ETV3L: variants seen among roughly 807,000 people sequenced by gnomAD.
ETV3L encodes the protein ETS translocation variant 3-like protein.
In ETV3L, 30 loss-of-function variants were observed where a neutral mutation model predicts 27.6. The ratio of observed to expected loss-of-function variants is 1.09; its 90% CI spans 0.81 to 1.48. The LOEUF (loss-of-function observed/expected upper bound fraction) is 1.48. ETV3L is among the 40% of genes most tolerant of loss of function. ETV3L has a pLI of 0.00. For missense variants in ETV3L, 443 were observed against 455.6 expected (o/e 0.97, Z 0.25); for synonymous variants, 186 against 188.9 (o/e 0.98, Z 0.12).
intron 4 of ETV3L, among the ~76,000 whole-genome samples, chr1:157,096,844 A>G (rs140922493): frequency 0.015 from 2,295 of 152,286 alleles, 53 homozygotes; most frequent in African/African-American, 0.053. Context: ...GCTTGAACCC[A>G]GGAGACGGAG....
Position 157,099,524 on chromosome 1 carries a change from G to T in ETV3L, c.-1C>A, listed in dbSNP as rs1160338563. 1 of 1,608,406 alleles carries T rather than the reference G, an allele frequency of 6.2e-7. No individual in the cohort carries two copies. Among genetic ancestry groups the T allele is most frequent in the Admixed American group, 1.7e-5 (1 of 59,256 alleles). On this transcript the variant is annotated 5_prime_UTR_variant, in exon 1 of 5. Transcript: ENST00000454449. ...CCTCAGCCAAGCAGCTGCAGTGCATGGTCCACTCCGGCGAGATGGGCTGTG... is the reference window on the plus strand; with the variant it reads ...CCTCAGCCAAGCAGCTGCAGTGCATTGTCCACTCCGGCGAGATGGGCTGTG...
intron 3 of ETV3L, among the ~76,000 whole-genome samples, 186 bp downstream of exon 3, chr1:157,098,520 A>G (rs1382368721): frequency 6.6e-6 from 1 of 152,122 alleles, no homozygotes; most frequent in East Asian, 1.9e-4. Flanking sequence ...CCTTTCTCAC[A>G]GGTGGGTCCT....
At chr1:157,093,999 G>T (rs1174413764) in intron 4 of ETV3L, among the ~76,000 whole-genome samples, 1 of 152,148 alleles carries the variant, frequency 6.6e-6, no homozygotes, top group East Asian at 1.9e-4. Context: ...GGGGGCAGGG[G>T]CTGTAGTTGT....
At chr1:157,094,226 T>TA (rs1443295915) in intron 4 of ETV3L, among the ~76,000 whole-genome samples, 4 of 152,214 alleles carry the variant, frequency 2.6e-5, no homozygotes, top group Non-Finnish European at 5.9e-5. Context: ...TCTTCATCCA[T>TA]AAAATCCCCT....
At position 157,098,770 on chromosome 1, in the gene ETV3L, T is replaced by G. The variant is rs896523703; in HGVS notation, c.422A>C (p.His141Pro). ...LWEVRAPPSP[H>P]LLLGAPALCR... ...CAGGGCAGGGGCCCCCAGCAGCAAG[T>G]GGGGGGATGGCGGCGCCCGCACTTC... is the stretch of plus-strand genomic sequence containing the variant. Residue 141 changes from histidine (H) to proline (P), a missense_variant, in exon 3 of 5, where the codon CAC becomes CCC. Transcript: ENST00000454449. 1.2e-6 allele frequency: 2 copies of G among 1,613,442 alleles called. No individual in the cohort carries two copies. The highest frequency in any genetic ancestry group is 1.7e-6 in the Non-Finnish European group (2 of 1,179,794).
chr1:157,097,783 G>C, intron 4 of ETV3L, 85 bp downstream of exon 4: 1 of 1,518,394 alleles, frequency 6.6e-7, no homozygotes, highest in Non-Finnish European at 9.0e-7. Context: ...CTTGTCTCAT[G>C]CCCCCTCAGC....
At chr1:157,099,413 C>T (rs770208936) in intron 1 of ETV3L, 35 bp from the exon 2 acceptor site, 3 of 1,613,880 alleles carry the variant, frequency 1.9e-6, no homozygotes, top group South Asian at 1.1e-5. Context: ...GCTCTGGAGG[C>T]CCTGCCCTAG....
chr1:157,092,955 C>G lies in ETV3L; in HGVS notation c.780G>C (p.Gln260His). The change falls in exon 5 of 5, where the codon CAG (glutamine) becomes CAC (histidine). Residue 260 changes from glutamine (Q) to histidine (H), a missense_variant. Physicochemically the swap from Gln to His is conservative, Grantham distance 24 (BLOSUM62 0). Transcript: ENST00000454449. ...TGTCTGGCTTAAAAGCCCCTGGGAGCTGCTGCTCTGACGGGAGAGGAGGCA... is the reference window on the plus strand; with the variant it reads ...TGTCTGGCTTAAAAGCCCCTGGGAGGTGCTGCTCTGACGGGAGAGGAGGCA... ...PFLPPLPSEQ[Q>H]LPGAFKPDIL... 6.2e-7 allele frequency: 1 copy of G among 1,614,058 alleles called. No homozygotes were observed. Among genetic ancestry groups the G allele is most frequent in the Non-Finnish European group, 8.5e-7 (1 of 1,179,946 alleles).
At chr1:157,098,009 G>A in intron 3 of ETV3L, 21 bp from the exon 4 acceptor site, 1 of 1,584,052 alleles carries the variant, frequency 6.3e-7, no homozygotes, top group Non-Finnish European at 8.6e-7. Flanking sequence ...AGAAGTAGGT[G>A]CGAGGTGTGA....
chr1:157,096,766 C>T (rs1674229475), intron 4 of ETV3L, among the ~76,000 whole-genome samples: 1 of 152,044 alleles, frequency 6.6e-6, no homozygotes, highest in African/African-American at 2.4e-5. Flanking sequence ...ACTAAAAATA[C>T]AAAATTAGCC....
At chr1:157,094,880 T>C (rs1571680032) in intron 4 of ETV3L, among the ~76,000 whole-genome samples, 1 of 113,882 alleles carries the variant, frequency 8.8e-6, no homozygotes, top group Admixed American at 1.3e-4. Context: ...ACCATTGCAC[T>C]CCAGCCTGGG....
At position 157,099,132 on chromosome 1, in the gene ETV3L, T is replaced by G; in HGVS notation, c.296+9A>C. On this transcript the variant is annotated intron_variant, in intron 2 of 4. Transcript: ENST00000454449. ...CCCCTCTTTGGCCATGTCAGCCGCC[T>G]CCTCTCACCTGAGGGCCCGGCTCAG... 3.1e-6 allele frequency: 5 copies of G among 1,613,432 alleles called. No individual in the cohort carries two copies. The highest frequency in any genetic ancestry group is 4.2e-6 in the Non-Finnish European group (5 of 1,179,566).
chr1:157,097,816 C>T lies in ETV3L; in HGVS notation c.607+52G>A. 6 of 1,606,092 alleles carry T rather than the reference C, an allele frequency of 3.7e-6. No individual in the cohort carries two copies. In the South Asian group the frequency reaches 6.6e-5, roughly 18 times the overall value. On this transcript the variant is annotated intron_variant, in intron 4 of 4. Coordinates refer to ENST00000454449, the MANE Select transcript of ETV3L (RefSeq NM_001004341.2). ...AGCCATGTACTCAGCCAGGAGGGCC[C>T]TCCCTCCTCTGGCTAAGATCCCCCT... is the stretch of plus-strand genomic sequence containing the variant.
rs542316015 is a variant in ETV3L at position 157,092,064 on chromosome 1, A to C, written c.*585T>G. 6.5e-6 allele frequency: 1 copy of C among 153,054 alleles called. No homozygotes were observed. Among genetic ancestry groups the C allele is most frequent in the African/African-American group, 2.4e-5 (1 of 41,508 alleles). The allele number at this position is 153,054 out of a possible 1,614,324, so 9.5% of individuals were successfully genotyped here. A position where few individuals can be genotyped will look rare whatever the true frequency, so the allele number is the denominator to read the frequency against. On this transcript the variant is annotated 3_prime_UTR_variant, in exon 5 of 5. Transcript: ENST00000454449. ...AGAGGACAGTTTGCAAGGGCATTTT[A>C]TTCATGGTCACAGTGGAGTATTACA...
chr1:157,095,138 G>C (rs909985725), intron 4 of ETV3L, among the ~76,000 whole-genome samples: 3 of 152,026 alleles, frequency 2.0e-5, no homozygotes, highest in African/African-American at 7.2e-5. Flanking sequence ...GCTGTTGCAC[G>C]GGAAGGCTGT....
At position 157,095,127 on chromosome 1, in the gene ETV3L, T is replaced by G. The variant is rs570468864; in HGVS notation, c.608-2000A>C. Among the ~76,000 whole-genome samples the G allele has an allele frequency of 3.3e-5, 5 of 152,174 alleles. No individual in the cohort carries two copies. The East Asian group carries it at 9.7e-4, about 30-fold the overall frequency. ...TTGGGTCCTTAGATGAGGTGGAGAC[T>G]GCTGTTGCACGGGAAGGCTGTGTCC... is the stretch of plus-strand genomic sequence containing the variant. On this transcript the variant is annotated intron_variant, in intron 4 of 4. Coordinates refer to ENST00000454449, the MANE Select transcript of ETV3L (RefSeq NM_001004341.2).
At chr1:157,093,196 T>G in intron 4 of ETV3L, 69 bp from the exon 5 acceptor site, 1 of 1,065,514 alleles carries the variant, frequency 9.4e-7, no homozygotes, top group Non-Finnish European at 1.3e-6. Context: ...CTCCTCCCAT[T>G]TCCCAGCCCT....
chr1:157,097,800 C>T, intron 4 of ETV3L, 68 bp downstream of exon 4: 1 of 1,597,024 alleles, frequency 6.3e-7, no homozygotes, highest in Non-Finnish European at 8.5e-7. Flanking sequence ...CAGCCATGTA[C>T]TCAGCCAGGA....
chr1:157,099,111 TC>T, intron 2 of ETV3L, 29 bp downstream of exon 2: 1 of 1,611,900 alleles, frequency 6.2e-7, no homozygotes, highest in African/African-American at 1.3e-5. Context: ...AAATCCCCCC[TC>T]TTTGGCCATG....
Sources: allele counts gnomAD v4.1 joint callset (sites outside exome capture counted in the v4.1 genomes callset), GRCh38; gene constraint gnomAD v4.1.1; transcripts MANE v1.5; gene names NCBI Gene and HGNC (gene_info 2026-07-23, HGNC 2026-07-21).